The following LRRC8C variants were observed in gnomAD, a reference collection of about 807,000 sequenced individuals.
LRRC8C encodes the protein leucine rich repeat containing 8 VRAC subunit C.
A neutral mutation model predicts 55.3 loss-of-function variants in LRRC8C; 20 were observed. That is an observed-to-expected ratio of 0.36 (90% CI 0.25 to 0.53). LRRC8C has a LOEUF of 0.53. Ranked by LOEUF, LRRC8C falls within the 20% of genes least tolerant of loss-of-function variation. The probability of loss-of-function intolerance (pLI) is 0.92; values close to 1 mark genes in which losing one functional copy is unlikely to be tolerated. For missense variants in LRRC8C, 659 were observed against 951.4 expected, an observed-to-expected ratio of 0.69 and a Z score of 4.04; for synonymous variants, 376 against 360.7, an observed-to-expected ratio of 1.04 and a Z score of -0.48.
chr1:89,652,494 AT>A (rs958766819), intron 1 of LRRC8C, among the ~76,000 whole-genome samples: 8 of 152,204 alleles, frequency 5.3e-5, no homozygotes, highest in African/African-American at 1.9e-4. Flanking sequence ...TCTCTGGGAT[AT>A]CTTAAAAATA....
At chr1:89,623,485 G>C in the LRRC8C span, among the ~76,000 whole-genome samples, 1 of 152,192 alleles carries the variant, frequency 6.6e-6, no homozygotes, top group East Asian at 1.9e-4. Flanking sequence ...CACTTTGGGA[G>C]GCTGAAGTGG....
chr1:89,665,148 C>A (rs1187115939), intron 1 of LRRC8C, among the ~76,000 whole-genome samples: 1 of 152,188 alleles, frequency 6.6e-6, no homozygotes, highest in Non-Finnish European at 1.5e-5. Context: ...TTGCCCTGGC[C>A]AGAACTTCCG....
intron 1 of LRRC8C, among the ~76,000 whole-genome samples, chr1:89,681,679 T>G (rs1447600317): frequency 6.6e-6 from 1 of 152,122 alleles, no homozygotes; most frequent in Non-Finnish European, 1.5e-5. Context: ...ACATTCACTT[T>G]CATGAGAACA....
At chr1:89,709,791 G>C (rs1422569318) in intron 2 of LRRC8C, among the ~76,000 whole-genome samples, 1 of 143,512 alleles carries the variant, frequency 7.0e-6, no homozygotes, top group Non-Finnish European at 1.5e-5. Flanking sequence ...TCGCTCTGTC[G>C]CCCAGGCTGG....
chr1:89,644,201 G>T (rs968942447), intron 1 of LRRC8C, among the ~76,000 whole-genome samples: 3 of 152,138 alleles, frequency 2.0e-5, no homozygotes, highest in Non-Finnish European at 4.4e-5. Flanking sequence ...TTGAGACAAG[G>T]TCTCGCTCTA....
intron 2 of LRRC8C, among the ~76,000 whole-genome samples, chr1:89,695,952 G>C (rs765685077): frequency 7.2e-5 from 11 of 152,132 alleles, no homozygotes; most frequent in Non-Finnish European, 1.3e-4. Context: ...ATTGTTTTTA[G>C]TCTCTTTAGA....
intron 1 of LRRC8C, among the ~76,000 whole-genome samples, chr1:89,639,207 G>T (rs1656387321): frequency 6.6e-6 from 1 of 151,890 alleles, no homozygotes; most frequent in Non-Finnish European, 1.5e-5. Flanking sequence ...GGATGGTCTC[G>T]ATCTCTTGAT....
intron 1 of LRRC8C, among the ~76,000 whole-genome samples, chr1:89,636,675 G>A (rs1047919830): frequency 6.6e-6 from 1 of 151,798 alleles, no homozygotes; most frequent in African/African-American, 2.4e-5. Flanking sequence ...CTCCTACAAG[G>A]CTCAGCATAA....
chr1:89,678,473 G>A (rs1042043486), intron 1 of LRRC8C, among the ~76,000 whole-genome samples: 7 of 152,304 alleles, frequency 4.6e-5, no homozygotes, highest in South Asian at 4.1e-4. Context: ...GGCCAAGGCC[G>A]GTGGATCACC....
chr1:89,684,575 C>T (rs1393462081), intron 1 of LRRC8C, among the ~76,000 whole-genome samples: 1 of 152,170 alleles, frequency 6.6e-6, no homozygotes, highest in Admixed American at 6.5e-5. Flanking sequence ...TTTGTGCCAT[C>T]TGTTATTGCC....
intron 1 of LRRC8C, among the ~76,000 whole-genome samples, chr1:89,650,166 C>T (rs1379293868): frequency 4.6e-5 from 7 of 152,142 alleles, no homozygotes; most frequent in Non-Finnish European, 1.5e-5. Flanking sequence ...CAAATATATA[C>T]ACAAACCCAC....
chr1:89,659,054 TTTTTTTTTGTG>T (rs1434692452), intron 1 of LRRC8C, among the ~76,000 whole-genome samples: 2 of 88,868 alleles, frequency 2.3e-5, no homozygotes, highest in African/African-American at 9.1e-5. Flanking sequence ...CCAGGTTTTT[TTTTTTTTTGTG>T]TGTGTGTGTG....
chr1:89,665,525 A>C (rs7552338), intron 1 of LRRC8C, among the ~76,000 whole-genome samples: 5,804 of 152,288 alleles, frequency 0.038, 331 homozygotes, highest in African/African-American at 0.13. Context: ...ATAATAATTT[A>C]ATAGCAAAAA....
At chr1:89,632,076 A>C (rs1284740727), upstream of LRRC8C, 1 of 152,240 alleles carries the variant, frequency 6.6e-6, no homozygotes, top group Non-Finnish European at 1.5e-5. Context: ...GGTGCTCTTC[A>C]AATAGCTGGC....
chr1:89,648,448 A>G (rs1386598278), intron 1 of LRRC8C, among the ~76,000 whole-genome samples: 1 of 152,218 alleles, frequency 6.6e-6, no homozygotes, highest in African/African-American at 2.4e-5. Context: ...AGTATAAATA[A>G]TAACCAACCA....
the LRRC8C span, among the ~76,000 whole-genome samples, chr1:89,621,418 G>A: frequency 3.3e-5 from 5 of 152,098 alleles, no homozygotes; most frequent in East Asian, 3.9e-4. Flanking sequence ...GCAGCGAGCC[G>A]AGATCGCCAC....
chr1:89,674,980 C>G (rs1210987399), intron 1 of LRRC8C, among the ~76,000 whole-genome samples: 3 of 151,786 alleles, frequency 2.0e-5, no homozygotes, highest in African/African-American at 7.3e-5. Flanking sequence ...TAAATTTTAC[C>G]CCTATTTAAC....
At chr1:89,625,551 TA>T in the LRRC8C span, among the ~76,000 whole-genome samples, 4 of 151,052 alleles carry the variant, frequency 2.6e-5, no homozygotes, top group African/African-American at 7.3e-5. Flanking sequence ...CCAAAAATGC[TA>T]AAAAAAAATG....
intron 1 of LRRC8C, among the ~76,000 whole-genome samples, chr1:89,674,315 C>T (rs1253517207): frequency 6.6e-6 from 1 of 152,106 alleles, no homozygotes; most frequent in African/African-American, 2.4e-5. Flanking sequence ...ACTTTTCATG[C>T]CCTTTCTCAG....
Sources: allele counts gnomAD v4.1 joint callset (sites outside exome capture counted in the v4.1 genomes callset), GRCh38; gene constraint gnomAD v4.1.1; transcripts MANE v1.5; gene names NCBI Gene and HGNC (gene_info 2026-07-23, HGNC 2026-07-21).